ABCB7: variants seen among roughly 807,000 people sequenced by gnomAD.
ABCB7 encodes the protein ATP binding cassette subfamily B member 7, also known as iron-sulfur clusters transporter ABCB7, mitochondrial.
A neutral mutation model predicts 54.4 loss-of-function variants in ABCB7; 7 were observed. The observed-to-expected ratio is 0.13, with a 90% CI of 0.07 to 0.24. The LOEUF is 0.24. Ranked by LOEUF, ABCB7 falls within the 10% of genes least tolerant of loss-of-function variation. The probability of loss-of-function intolerance (pLI) is 1.00; values close to 1 mark genes in which losing one functional copy is unlikely to be tolerated. For missense variants in ABCB7, 356 were observed against 570.4 expected (o/e 0.62, Z 3.83); for synonymous variants, 218 against 207.1 (o/e 1.05, Z -0.45).
intron 15 of ABCB7, among the ~76,000 whole-genome samples, chrX:75,058,185 CA>C (rs1270330972): frequency 9.0e-6 from 1 of 111,156 alleles, no homozygotes; most frequent in Non-Finnish European, 1.9e-5. Flanking sequence ...TGAGCCTTTT[CA>C]GGGGTCTACA....
chrX:75,108,013 C>T (rs2081720093), intron 3 of ABCB7, among the ~76,000 whole-genome samples: 1 of 110,695 alleles, frequency 9.0e-6, no homozygotes, highest in Non-Finnish European at 1.9e-5. Flanking sequence ...TTACCACAAG[C>T]TGACTGAAGA....
intron 4 of ABCB7, among the ~76,000 whole-genome samples, chrX:75,079,246 A>AATAAAATTTTATTTAAAACATCATCAGG (rs1259281592): frequency 1.8e-5 from 2 of 112,077 alleles, no homozygotes; most frequent in Non-Finnish European, 3.8e-5. Flanking sequence ...ATAACTGAAT[A>AATAAAATTTTATTTAAAACATCATCAGG]CTGTCAGTTT....
chrX:75,098,781 T>C lies in ABCB7; in HGVS notation c.453+161A>G, dbSNP rs1293079896. On this transcript the variant is annotated intron_variant, in intron 4 of 15. Transcript: ENST00000373394. ...TCCAGAGATAAACAGGACATTACCA[T>C]ATAATTTCTAATGACTGCATAAAAT... Among the ~76,000 whole-genome samples the C allele has an allele frequency of 2.7e-5, 3 of 112,208 alleles. No individual in the cohort carries two copies. In the East Asian group the frequency reaches 8.3e-4, roughly 31 times the overall value.
intron 4 of ABCB7, among the ~76,000 whole-genome samples, chrX:75,092,113 C>G (rs1419210395): frequency 9.0e-6 from 1 of 110,829 alleles, no homozygotes; most frequent in Admixed American, 9.6e-5. Context: ...TCAAAACAGC[C>G]AACAGAATAC....
At chrX:75,113,637 C>T (rs1251852252) in intron 2 of ABCB7, among the ~76,000 whole-genome samples, 2 of 111,301 alleles carry the variant, frequency 1.8e-5, no homozygotes, top group African/African-American at 3.3e-5. Context: ...AGTTTCAATA[C>T]TTGTTGGATT....
chrX:75,085,181 T>C (rs1370865679), intron 4 of ABCB7, among the ~76,000 whole-genome samples: 1 of 112,064 alleles, frequency 8.9e-6, no homozygotes, highest in Non-Finnish European at 1.9e-5. Flanking sequence ...CTATAATCAC[T>C]AAAAAGTGGA....
intron 1 of ABCB7, among the ~76,000 whole-genome samples, chrX:75,153,849 G>A (rs1375706386): frequency 9.5e-6 from 1 of 105,412 alleles, no homozygotes; most frequent in Non-Finnish European, 1.9e-5. Flanking sequence ...AAAAAGCACT[G>A]CTATTTTCTT....
At chrX:75,092,543 AT>A (rs1488975176) in intron 4 of ABCB7, among the ~76,000 whole-genome samples, 1 of 111,620 alleles carries the variant, frequency 9.0e-6, no homozygotes, top group Non-Finnish European at 1.9e-5. Flanking sequence ...CAAAAACATG[AT>A]CCATGAAAGA....
intron 15 of ABCB7, among the ~76,000 whole-genome samples, chrX:75,056,285 T>G (rs906481977): frequency 3.6e-5 from 4 of 111,809 alleles, no homozygotes; most frequent in Non-Finnish European, 7.5e-5. Flanking sequence ...CTGTAAAGTG[T>G]GATTTTCTGA....
chrX:75,108,672 T>G (rs2081727435), intron 3 of ABCB7, among the ~76,000 whole-genome samples: 1 of 110,327 alleles, frequency 9.1e-6, no homozygotes, highest in Non-Finnish European at 1.9e-5. Flanking sequence ...TATTTACTTT[T>G]TTTTCAGAAA....
At chrX:75,062,675 A>C in intron 13 of ABCB7, 1 of 356,980 alleles carries the variant, frequency 2.8e-6, no homozygotes, top group Non-Finnish European at 4.9e-6. Context: ...AATGAGAATG[A>C]GGCAGTAAGG....
intron 15 of ABCB7, among the ~76,000 whole-genome samples, chrX:75,054,061 A>G (rs1337221170): frequency 8.9e-6 from 1 of 112,385 alleles, no homozygotes; most frequent in East Asian, 2.8e-4. Flanking sequence ...TGAAAAGTTT[A>G]CTTCTTCCAG....
At chrX:75,107,122 A>G (rs2081710646) in intron 3 of ABCB7, among the ~76,000 whole-genome samples, 1 of 111,331 alleles carries the variant, frequency 9.0e-6, no homozygotes, top group Admixed American at 9.5e-5. Context: ...AGCAGAAAGG[A>G]ACACCAGAAA....
chrX:75,156,253 T>C lies in ABCB7; in HGVS notation c.20A>G (p.His7Arg), dbSNP rs1227239966. ...CGCCGCGGCCGCCCAGCGCCAAGAA[T>C]GCATCGCGAGCAGCGCCATCTTGAG... The part of the protein sequence containing the change: MALLAM[H>R]SWRWAAAAAA... Residue 7 changes from histidine to arginine, a missense_variant, in exon 1 of 16, where the codon CAT becomes CGT. Physicochemically the swap from His to Arg is conservative, Grantham distance 29. Around this residue, in one of 2 missense-constraint regions of ABCB7, gnomAD observed 115 missense variants for 99.5 expected, o/e 1.16. Transcript: ENST00000373394. 1.2e-5 allele frequency: 14 copies of C among 1,205,394 alleles called. No individual in the cohort carries two copies. Among genetic ancestry groups the C allele is most frequent in the South Asian group, 3.6e-5 (2 of 55,902 alleles).
intron 1 of ABCB7, among the ~76,000 whole-genome samples, chrX:75,146,870 G>C (rs894514065): frequency 1.8e-5 from 2 of 111,190 alleles, no homozygotes; most frequent in Admixed American, 1.9e-4. Context: ...ACTGTCAACA[G>C]AGTAAGCAGA....
chrX:75,112,989 C>A lies in ABCB7; in HGVS notation c.247-17G>T, dbSNP rs762666141. The A allele has an allele frequency of 8.7e-7, 1 of 1,153,981 alleles. No homozygotes were observed. The highest frequency in any genetic ancestry group is 1.8e-5 in the African/African-American group (1 of 55,932). ...CTGGAGAGCCTAATTGAAGATGATA[C>A]CAAGCAGTCCGTTAGCTATTACAGA... On this transcript the variant is annotated splice_polypyrimidine_tract_variant and intron_variant, in intron 2 of 15. Transcript: ENST00000373394.
intron 1 of ABCB7, among the ~76,000 whole-genome samples, chrX:75,137,199 C>T (rs1423558324): frequency 1.8e-5 from 2 of 111,802 alleles, no homozygotes; most frequent in Non-Finnish European, 3.8e-5. Flanking sequence ...ACCAACCAAC[C>T]CCATTAAAAA....
At chrX:75,109,290 T>C (rs2081735682) in intron 3 of ABCB7, among the ~76,000 whole-genome samples, 1 of 111,775 alleles carries the variant, frequency 8.9e-6, no homozygotes, top group Non-Finnish European at 1.9e-5. Context: ...GAGCAGCTCA[T>C]TTGGTAGAAT....
intron 4 of ABCB7, among the ~76,000 whole-genome samples, chrX:75,078,916 C>T (rs1052596280): frequency 8.9e-6 from 1 of 111,834 alleles, no homozygotes; most frequent in African/African-American, 3.2e-5. Context: ...CCAGGTTTTC[C>T]ATTTAAGGAT....
Sources: allele counts gnomAD v4.1 joint callset (sites outside exome capture counted in the v4.1 genomes callset), GRCh38; gene constraint gnomAD v4.1.1; regional missense constraint gnomAD v4.1.1; transcripts MANE v1.5; gene names NCBI Gene and HGNC (gene_info 2026-07-23, HGNC 2026-07-21).